Variants in NRTN observed in about 807,000 individuals in gnomAD.
The protein encoded by NRTN is neurturin.
In NRTN, 3 loss-of-function variants were observed where a neutral mutation model predicts 7.5. That is an observed-to-expected ratio of 0.40 (90% confidence interval 0.18 to 1.03). NRTN has a LOEUF of 1.03. Ranked by LOEUF, NRTN falls within the 50% of genes least tolerant of loss-of-function variation. The pLI, the probability that NRTN is intolerant of heterozygous loss-of-function variation, is 0.34. For missense variants in NRTN, 310 were observed against 307.0 expected, an observed-to-expected ratio of 1.01 and a Z score of -0.07; for synonymous variants, 157 against 146.6, an observed-to-expected ratio of 1.07 and a Z score of -0.51.
intron 2 of NRTN, among the ~76,000 whole-genome samples, chr19:5,825,870 C>T (rs893822452): frequency 8.5e-5 from 13 of 152,216 alleles, no homozygotes; most frequent in Non-Finnish European, 1.5e-4. Context: ...TGCGGTGGCT[C>T]ACGCCTGTGA....
chr19:5,809,336 A>C (rs1685583946), intron 1 of NRTN, among the ~76,000 whole-genome samples: 1 of 151,234 alleles, frequency 6.6e-6, no homozygotes, highest in Non-Finnish European at 1.5e-5. Flanking sequence ...AAGCCCAGCT[A>C]ATTTTAAAAT....
intron 1 of NRTN, among the ~76,000 whole-genome samples, chr19:5,818,229 G>A (rs1420775247): frequency 6.6e-6 from 1 of 152,234 alleles, no homozygotes; most frequent in Non-Finnish European, 1.5e-5. Context: ...CTCCCAAAGT[G>A]CTGGGATTAC....
At chr19:5,820,034 A>T (rs1182704513) in intron 1 of NRTN, among the ~76,000 whole-genome samples, 5 of 152,076 alleles carry the variant, frequency 3.3e-5, no homozygotes, top group Admixed American at 3.3e-4. Flanking sequence ...TGGGAGGCTG[A>T]GGCGGGTGGA....
intron 2 of NRTN, among the ~76,000 whole-genome samples, chr19:5,824,985 C>T (rs978421345): frequency 1.3e-5 from 2 of 151,958 alleles, no homozygotes; most frequent in African/African-American, 2.4e-5. Context: ...GGTTGGCCCC[C>T]GCGGCGCAGC....
chr19:5,807,891 TG>T (rs1431845214), intron 1 of NRTN, among the ~76,000 whole-genome samples: 1 of 152,152 alleles, frequency 6.6e-6, no homozygotes, highest in Non-Finnish European at 1.5e-5. Context: ...CAGACTAGCC[TG>T]GGAAACATAG....
At chr19:5,818,286 G>C (rs1038746491) in intron 1 of NRTN, among the ~76,000 whole-genome samples, 3 of 152,170 alleles carry the variant, frequency 2.0e-5, no homozygotes, top group South Asian at 4.1e-4. Flanking sequence ...GTTTGAGCAC[G>C]CAAGTGTGCT....
intron 1 of NRTN, among the ~76,000 whole-genome samples, chr19:5,814,714 C>T (rs149016313): frequency 7.7e-4 from 118 of 152,340 alleles, no homozygotes; most frequent in South Asian, 2.1e-3. Flanking sequence ...AGCTGTGTGA[C>T]GTTGGGCTGC....
Position 5,824,220 on chromosome 19 carries a change from T to TC in NRTN, c.57dup (p.Ile20HisfsTer220). On this transcript the variant is annotated frameshift_variant, in exon 2 of 3. Coordinates refer to ENST00000303212, the MANE Select transcript of NRTN (RefSeq NM_004558.5). LOFTEE classifies it high-confidence loss of function. Reference sequence around the variant, plus strand: ...CTCAGTGCTCTGCAGCTCCGTGCTGTCCATCTGGATGTGTCGAGAGGGCCT... The same window carrying TC: ...CTCAGTGCTCTGCAGCTCCGTGCTGTCCCATCTGGATGTGTCGAGAGGGCCT... 1.9e-6 allele frequency: 3 copies of TC among 1,612,294 alleles called. No homozygotes were observed. The highest frequency in any genetic ancestry group is 2.5e-6 in the Non-Finnish European group (3 of 1,179,928).
chr19:5,807,588 G>A (rs572203180), intron 1 of NRTN, among the ~76,000 whole-genome samples: 1 of 152,348 alleles, frequency 6.6e-6, no homozygotes, highest in African/African-American at 2.4e-5. Flanking sequence ...TGATGATGTT[G>A]GAATGGAGGG....
chr19:5,822,858 A>C (rs1166238084), intron 1 of NRTN, among the ~76,000 whole-genome samples: 1 of 151,980 alleles, frequency 6.6e-6, no homozygotes, highest in Non-Finnish European at 1.5e-5. Context: ...ACAAAAACAA[A>C]AAAAATTAAA....
At chr19:5,812,027 G>A (rs2056992149) in intron 1 of NRTN, among the ~76,000 whole-genome samples, 1 of 150,514 alleles carries the variant, frequency 6.6e-6, no homozygotes, top group Admixed American at 6.7e-5. Flanking sequence ...CCAATACCAC[G>A]CCCAGCCAAT....
In NRTN at chr19:5,821,453, C is replaced by T. The variant is rs2057024414; in HGVS notation, c.-398-2315C>T. Among the ~76,000 whole-genome samples, 4 of 151,904 alleles carry T rather than the reference C, an allele frequency of 2.6e-5. No individual in the cohort carries two copies. In the South Asian group the frequency reaches 8.3e-4, roughly 32 times the overall value. On this transcript the variant is annotated intron_variant, in intron 1 of 2. Coordinates refer to ENST00000303212, the MANE Select transcript of NRTN (RefSeq NM_004558.5). ...CCGAGTAGCTGGGATTACAGGTGTGCCACCACGCCCGGCTAATTTTTGTAT... is the reference window on the plus strand; with the variant it reads ...CCGAGTAGCTGGGATTACAGGTGTGTCACCACGCCCGGCTAATTTTTGTAT...
chr19:5,807,544 A>T (rs1055593380), intron 1 of NRTN, among the ~76,000 whole-genome samples: 2 of 152,058 alleles, frequency 1.3e-5, no homozygotes, highest in South Asian at 4.2e-4. Flanking sequence ...GTGGATATGA[A>T]TGGGGCATGC....
chr19:5,825,620 C>T (rs1363807788), intron 2 of NRTN, among the ~76,000 whole-genome samples: 4 of 152,160 alleles, frequency 2.6e-5, no homozygotes, highest in African/African-American at 7.2e-5. Flanking sequence ...ACTTGGGGTG[C>T]GGGGGGCAAA....
intron 1 of NRTN, among the ~76,000 whole-genome samples, chr19:5,815,821 T>C (rs888502025): frequency 3.4e-5 from 5 of 148,230 alleles, no homozygotes; most frequent in African/African-American, 1.2e-4. Context: ...CTCGACTCAC[T>C]GCAACCTCCT....
Position 5,824,362 on chromosome 19 carries a change from A to T in NRTN, c.169+28A>T, listed in dbSNP as rs777345801. On this transcript the variant is annotated intron_variant, in intron 2 of 2. Coordinates refer to ENST00000303212, the MANE Select transcript of NRTN (RefSeq NM_004558.5). ...AAGCTCCTCCTCTGTGTGGGGTCAG[A>T]TACCCCCAACGTAAGGGGTAGAATT... 17 of 1,580,764 alleles carry T rather than the reference A, an allele frequency of 1.1e-5. No homozygotes were observed. In the Admixed American group the frequency reaches 3.1e-4, roughly 29 times the overall value.
rs200146506 is a variant in NRTN, at chr19:5,824,405, AGGT to A, written c.169+77_169+79del. 381 of 1,508,384 alleles carry A rather than the reference AGGT, an allele frequency of 2.5e-4. 1 individual carries two copies. The highest frequency in any genetic ancestry group is 2.0e-3 in the Middle Eastern group (12 of 5,882). The allele number at this position is 1,508,384 out of a possible 1,614,324, so 93.4% of individuals were successfully genotyped here. A position where few individuals can be genotyped will look rare whatever the true frequency, so the allele number is the denominator to read the frequency against. On this transcript the variant is annotated intron_variant, in intron 2 of 2. Coordinates refer to ENST00000303212, the MANE Select transcript of NRTN (RefSeq NM_004558.5). Reference sequence around the variant, plus strand: ...GTAGAATTTCAGGCAGTGGAGTGGGAGGTGGTGGGGGGGTGTCATAGGTTTTTT... The same window carrying A: ...GTAGAATTTCAGGCAGTGGAGTGGGAGGTGGGGGGGTGTCATAGGTTTTTT...
At chr19:5,825,960 CT>C (rs1340993959) in intron 2 of NRTN, among the ~76,000 whole-genome samples, 2 of 152,126 alleles carry the variant, frequency 1.3e-5, no homozygotes, top group Admixed American at 1.3e-4. Flanking sequence ...CTGTGAAACC[CT>C]GTCTCTACTA....
chr19:5,827,854 G>GGCGC lies in NRTN; in HGVS notation c.281_284dup (p.Arg97CysfsTer144), dbSNP rs2057053439. 8.5e-7 allele frequency: 1 copy of GGCGC among 1,183,256 alleles called. No individual in the cohort carries two copies. The highest frequency in any genetic ancestry group is 1.0e-6 in the Non-Finnish European group (1 of 959,798). The allele number at this position is 1,183,256 out of a possible 1,614,324, so 73.3% of individuals were successfully genotyped here. On this transcript the variant is annotated frameshift_variant, in exon 3 of 3. Coordinates refer to ENST00000303212, the MANE Select transcript of NRTN (RefSeq NM_004558.5). LOFTEE classifies it low-confidence loss of function (END_TRUNC). ...CGCCGTCGGGCGGGGCCCCGGCGGC[G>GGCGC]GCGCGCGCGTGCGCGGTTGGGGGCG...
Sources: allele counts gnomAD v4.1 joint callset (sites outside exome capture counted in the v4.1 genomes callset), GRCh38; gene constraint gnomAD v4.1.1; transcripts MANE v1.5; gene names NCBI Gene and HGNC (gene_info 2026-07-23, HGNC 2026-07-21).